SEC23A: variants seen among roughly 807,000 people sequenced by gnomAD.
SEC23A encodes the protein SEC23 homolog A, COPII component.
In SEC23A, 56 loss-of-function variants were observed where a neutral mutation model predicts 103.7. The ratio of observed to expected loss-of-function variants is 0.54; its 90% CI spans 0.44 to 0.67. The LOEUF (loss-of-function observed/expected upper bound fraction) is 0.67. SEC23A is among the 30% of genes least tolerant of loss of function. The probability of loss-of-function intolerance (pLI) is 0.00; values close to 1 mark genes in which losing one functional copy is unlikely to be tolerated. For missense variants in SEC23A, 784 were observed against 936.4 expected (o/e 0.84, Z 2.12); for synonymous variants, 281 against 293.0 (o/e 0.96, Z 0.42).
intron 7 of SEC23A, among the ~76,000 whole-genome samples, chr14:39,082,159 T>C (rs1296750685): frequency 6.6e-6 from 1 of 151,984 alleles, no homozygotes; most frequent in Admixed American, 6.6e-5. Flanking sequence ...TCAAAGTAAA[T>C]TATGATAGTA....
Position 39,033,145 on chromosome 14 carries a change from A to T in SEC23A, c.*94T>A, listed in dbSNP as rs776077238. 1 of 881,970 alleles carries T rather than the reference A, an allele frequency of 1.1e-6. No individual in the cohort carries two copies. Among genetic ancestry groups the T allele is most frequent in the Non-Finnish European group, 1.9e-6 (1 of 517,296 alleles). 54.6% of individuals were successfully genotyped at this position (881,970 alleles called of 1,614,324 possible). ...ATACTAATACAAAAAATATAGAGCAATATCTGTTGGTTTCCACAGATAAAT... is the reference window on the plus strand; with the variant it reads ...ATACTAATACAAAAAATATAGAGCATTATCTGTTGGTTTCCACAGATAAAT... On this transcript the variant is annotated 3_prime_UTR_variant, in exon 20 of 20. Transcript: ENST00000307712.
intron 7 of SEC23A, among the ~76,000 whole-genome samples, chr14:39,082,285 T>C (rs1887254861): frequency 6.6e-6 from 1 of 151,376 alleles, no homozygotes; most frequent in Non-Finnish European, 1.5e-5. Context: ...AATACGTAAA[T>C]GGGAGAGGAG....
chr14:39,093,384 G>A (rs1887730247), intron 2 of SEC23A, 140 bp from the exon 3 acceptor site: 4 of 665,122 alleles, frequency 6.0e-6, no homozygotes, highest in Non-Finnish European at 7.6e-6. Context: ...TAAAAGCCAT[G>A]TAGTTTTAGA....
intron 7 of SEC23A, among the ~76,000 whole-genome samples, chr14:39,078,445 T>C (rs1887114434): frequency 6.6e-6 from 1 of 151,578 alleles, no homozygotes; most frequent in Non-Finnish European, 1.5e-5. Flanking sequence ...ATATTTGGAG[T>C]CAAAAAATAC....
At chr14:39,087,225 T>A (rs933668943) in intron 5 of SEC23A, among the ~76,000 whole-genome samples, 1 of 152,208 alleles carries the variant, frequency 6.6e-6, no homozygotes, top group Non-Finnish European at 1.5e-5. Flanking sequence ...CAAGGTGTTA[T>A]ATAACCAAAG....
Position 39,067,234 on chromosome 14 carries a change from ACT to A in SEC23A, c.1164_1165del (p.Arg388SerfsTer11), listed in dbSNP as rs866140423. On this transcript the variant is annotated frameshift_variant, in exon 10 of 20. Coordinates refer to ENST00000307712, the MANE Select transcript of SEC23A (RefSeq NM_006364.4). LOFTEE classifies it high-confidence loss of function. ...CTGTCCATGCATGTCTTTGGTAAAG[ACT>A]CTTTGAAAAGTTTGTTTGAATAAGG... 1 of 1,613,576 alleles carries A rather than the reference ACT, an allele frequency of 6.2e-7. No individual in the cohort carries two copies. The highest frequency in any genetic ancestry group is 8.5e-7 in the Non-Finnish European group (1 of 1,179,776).
chr14:39,091,297 T>C (rs891921206), intron 5 of SEC23A, 180 bp downstream of exon 5: 9 of 610,266 alleles, frequency 1.5e-5, no homozygotes, highest in Admixed American at 5.8e-5. Context: ...TTAATCTGTA[T>C]AACAATTTAA....
chr14:39,092,713 T>G (rs1887703171), intron 3 of SEC23A, 86 bp from the exon 4 acceptor site: 1 of 746,412 alleles, frequency 1.3e-6, no homozygotes, highest in Non-Finnish European at 2.2e-6. Flanking sequence ...TTCCTGATCA[T>G]TTAATTATTT....
rs570348816 is a variant in SEC23A, at chr14:39,032,722, T to C, written c.*517A>G. On this transcript the variant is annotated 3_prime_UTR_variant, in exon 20 of 20. Transcript: ENST00000307712. ...TAAAATCAAATAATTCCTAAACAAA[T>C]CATAAAAATAAATCTGCCTTAACCT... The C allele has an allele frequency of 1.0e-3, 153 of 152,656 alleles. No individual in the cohort carries two copies. Among genetic ancestry groups the C allele is most frequent in the Admixed American group, 1.8e-3 (27 of 15,286 alleles). The allele number at this position is 152,656 out of a possible 1,614,324, so 9.5% of individuals were successfully genotyped here. A position where few individuals can be genotyped will look rare whatever the true frequency, so the allele number is the denominator to read the frequency against.
chr14:39,086,553 C>T (rs1397734158), intron 6 of SEC23A, among the ~76,000 whole-genome samples: 6 of 151,928 alleles, frequency 3.9e-5, no homozygotes, highest in Admixed American at 2.0e-4. Flanking sequence ...ACCTGGGAGG[C>T]GGAAGTTGTA....
intron 5 of SEC23A, chr14:39,091,124 T>C: frequency 2.7e-6 from 1 of 376,594 alleles, no homozygotes; most frequent in Non-Finnish European, 4.9e-6. Flanking sequence ...ACATGTTCAA[T>C]AAAAAAGCTG....
chr14:39,057,671 A>G (rs1290662534), intron 13 of SEC23A, among the ~76,000 whole-genome samples: 1 of 152,240 alleles, frequency 6.6e-6, no homozygotes, highest in African/African-American at 2.4e-5. Context: ...CTTGGCCAAT[A>G]AAAGATTTTT....
At chr14:39,102,610 C>T (rs1356714680) in intron 1 of SEC23A, among the ~76,000 whole-genome samples, 1 of 152,210 alleles carries the variant, frequency 6.6e-6, no homozygotes, top group African/African-American at 2.4e-5. Context: ...CCCTTTAACC[C>T]CTTTAACTTC....
chr14:39,081,607 T>C lies in SEC23A; in HGVS notation c.828+4155A>G, dbSNP rs1188475091. ...GAAACTCTGAAACTATTCTATATATTCTAGGACTGAGCAAATAAGTAAATA... is the reference window on the plus strand; with the variant it reads ...GAAACTCTGAAACTATTCTATATATCCTAGGACTGAGCAAATAAGTAAATA... On this transcript the variant is annotated intron_variant, in intron 7 of 19. Coordinates refer to ENST00000307712, the MANE Select transcript of SEC23A (RefSeq NM_006364.4). Among the ~76,000 whole-genome samples, 3 of 152,190 alleles carry C rather than the reference T, an allele frequency of 2.0e-5. No homozygotes were observed. In the East Asian group the frequency reaches 5.8e-4, roughly 29 times the overall value.
Position 39,055,310 on chromosome 14 carries a change from G to A in SEC23A, c.1506-14C>T, listed in dbSNP as rs1222079874. 1 of 1,613,210 alleles carries A rather than the reference G, an allele frequency of 6.2e-7. No individual in the cohort carries two copies. Among genetic ancestry groups the A allele is most frequent in the East Asian group, 2.2e-5 (1 of 44,840 alleles). On this transcript the variant is annotated splice_polypyrimidine_tract_variant and intron_variant, in intron 13 of 19. Coordinates refer to ENST00000307712, the MANE Select transcript of SEC23A (RefSeq NM_006364.4). ...GCATCTGCCCAGCTGAAGACAATAA[G>A]AAAGCATAGAAATGCTTCTGAATTA... is the stretch of plus-strand genomic sequence containing the variant.
chr14:39,053,288 A>C (rs772160489), intron 14 of SEC23A, among the ~76,000 whole-genome samples: 1 of 152,250 alleles, frequency 6.6e-6, no homozygotes, highest in Non-Finnish European at 1.5e-5. Context: ...TTGACGAGTT[A>C]ACAGGTTTCA....
Position 39,067,312 on chromosome 14 carries a change from A to G in SEC23A, c.1104-16T>C, listed in dbSNP as rs1886703517. The G allele has an allele frequency of 1.9e-6, 3 of 1,612,170 alleles. No homozygotes were observed. Among genetic ancestry groups the G allele is most frequent in the African/African-American group, 1.3e-5 (1 of 74,872 alleles). ...CATGTATCCTCTGCATGGAAAGAAC[A>G]AAAAAACAACATACTTGACACAGTT... On this transcript the variant is annotated splice_polypyrimidine_tract_variant and intron_variant, in intron 9 of 19. Coordinates refer to ENST00000307712, the MANE Select transcript of SEC23A (RefSeq NM_006364.4).
At chr14:39,093,829 A>G (rs1887748855) in intron 2 of SEC23A, among the ~76,000 whole-genome samples, 1 of 151,812 alleles carries the variant, frequency 6.6e-6, no homozygotes, top group East Asian at 1.9e-4. Context: ...TTTTTTCTTC[A>G]AGTGACTTCA....
At chr14:39,053,592 T>C (rs546381092) in intron 14 of SEC23A, among the ~76,000 whole-genome samples, 19 of 152,172 alleles carry the variant, frequency 1.2e-4, no homozygotes, top group Middle Eastern at 3.4e-3. Flanking sequence ...AAAAAAACTC[T>C]TGGAGGTGAA....
Sources: allele counts gnomAD v4.1 joint callset (sites outside exome capture counted in the v4.1 genomes callset), GRCh38; gene constraint gnomAD v4.1.1; transcripts MANE v1.5; gene names NCBI Gene and HGNC (gene_info 2026-07-23, HGNC 2026-07-21).